Variants in ARHGAP26 observed in about 807,000 individuals in gnomAD.
The protein encoded by ARHGAP26 is Rho GTPase activating protein 26, also known as rho GTPase-activating protein 26.
Under a neutral mutation model 104.8 loss-of-function variants are expected in ARHGAP26, and 38 were observed. The ratio of observed to expected loss-of-function variants is 0.36; its 90% confidence interval spans 0.28 to 0.48. ARHGAP26 has a LOEUF of 0.48. Among genes scored for constraint, ARHGAP26 ranks in the 20% least tolerant of loss-of-function variants. The pLI, the probability that ARHGAP26 is intolerant of heterozygous loss-of-function variation, is 0.99. For synonymous variants in ARHGAP26, 341 were observed against 340.0 expected (o/e 1.00, Z -0.03); for missense variants, 704 against 947.9 (o/e 0.74, Z 3.38).
At position 142,862,633 on chromosome 5, in the gene ARHGAP26, T is replaced by C. The variant is rs192000234; in HGVS notation, c.155-10767T>C. Reference sequence around the variant, plus strand: ...GTTTAACCAAGTTCTGGGTTCTGTCTGGGTGCGTGGGCCCTGACTGTGTGA... The same window carrying C: ...GTTTAACCAAGTTCTGGGTTCTGTCCGGGTGCGTGGGCCCTGACTGTGTGA... On this transcript the variant is annotated intron_variant, in intron 1 of 22. Transcript: ENST00000645722. Among the ~76,000 whole-genome samples the C allele has an allele frequency of 2.6e-5, 4 of 152,330 alleles. No individual in the cohort carries two copies. In the East Asian group the frequency reaches 5.8e-4, roughly 22 times the overall value.
chr5:142,941,988 G>C (rs764237689), intron 11 of ARHGAP26, among the ~76,000 whole-genome samples: 1 of 152,086 alleles, frequency 6.6e-6, no homozygotes, highest in Non-Finnish European at 1.5e-5. Flanking sequence ...GATGAGGATC[G>C]GTCACATTAA....
rs1166894499 is a variant in ARHGAP26, at chr5:143,226,310, T to A, written c.*3864T>A. On this transcript the variant is annotated 3_prime_UTR_variant, in exon 23 of 23. Coordinates refer to ENST00000645722, the MANE Select transcript of ARHGAP26 (RefSeq NM_001135608.3). The stretch of plus-strand genomic sequence containing the variant: ...TCCTGGCTACGACGGTGAAACCCCG[T>A]CTCTACTAAAAATACAAAAAATTAG... 1 of 175,246 alleles carries A rather than the reference T, an allele frequency of 5.7e-6. No individual in the cohort carries two copies. The highest frequency in any genetic ancestry group is 2.4e-5 in the African/African-American group (1 of 42,008). 10.9% of individuals were successfully genotyped at this position (175,246 alleles called of 1,614,324 possible).
intron 1 of ARHGAP26, among the ~76,000 whole-genome samples, chr5:142,800,108 T>A (rs1448211485): frequency 6.6e-6 from 1 of 152,210 alleles, no homozygotes; most frequent in Non-Finnish European, 1.5e-5. Flanking sequence ...GGCACAATGA[T>A]CTAGAAAGAA....
At position 143,162,071 on chromosome 5, in the gene ARHGAP26, T is replaced by G. The variant is rs141277017; in HGVS notation, c.1988+14690T>G. Among the ~76,000 whole-genome samples, 871 of 152,110 alleles carry G rather than the reference T, an allele frequency of 5.7e-3. 13 individuals are homozygous for G. Among genetic ancestry groups the G allele is most frequent in the Middle Eastern group, 0.041 (12 of 294 alleles). ...AGCACTTTGACTTGCGCAATGCTGC[T>G]GGAAGGTTGGTAAATCCAAAGCTGA... On this transcript the variant is annotated intron_variant, in intron 20 of 22. Transcript: ENST00000645722.
intron 3 of ARHGAP26, among the ~76,000 whole-genome samples, chr5:142,878,131 G>A: frequency 6.6e-6 from 1 of 152,094 alleles, no homozygotes; most frequent in East Asian, 1.9e-4. Context: ...GTGACTTCTG[G>A]CATTTACCCG....
At chr5:143,216,690 A>T (rs1810395996) in intron 22 of ARHGAP26, 1 of 159,726 alleles carries the variant, frequency 6.3e-6, no homozygotes, top group African/African-American at 2.4e-5. Context: ...GAGTCATGGC[A>T]GAGTTCGCTG....
chr5:142,949,104 C>CA lies in ARHGAP26; in HGVS notation c.1107+16991dup, dbSNP rs1013018130. On this transcript the variant is annotated intron_variant, in intron 11 of 22. Coordinates refer to ENST00000645722, the MANE Select transcript of ARHGAP26 (RefSeq NM_001135608.3). ...TGGGTGAAAGAGTGAGACTCCGTCT[C>CA]AAAAAAAAAAAATTGAAGAAAGCAC... Among the ~76,000 whole-genome samples the CA allele has an allele frequency of 1.5e-3, 178 of 115,156 alleles. 3 individuals carry two copies. Among genetic ancestry groups the CA allele is most frequent in the African/African-American group, 2.2e-3 (60 of 27,374 alleles). The allele number at this position is 115,156 out of a possible 152,430, so 75.5% of individuals were successfully genotyped here.
chr5:143,212,115 T>A (rs911381026), intron 21 of ARHGAP26, among the ~76,000 whole-genome samples: 6 of 152,146 alleles, frequency 3.9e-5, no homozygotes, highest in African/African-American at 1.2e-4. Context: ...CCCTTACTTT[T>A]AGTCCCCCTT....
At chr5:142,868,433 A>G (rs1334680629) in intron 1 of ARHGAP26, among the ~76,000 whole-genome samples, 3 of 152,144 alleles carry the variant, frequency 2.0e-5, no homozygotes, top group Admixed American at 6.5e-5. Context: ...AACTGGGTGG[A>G]GAACTGATTT....
In ARHGAP26 at chr5:143,177,897, G is replaced by T. The variant is rs892662561; in HGVS notation, c.1989-29301G>T. ...AATACGGATGGAAAGCATGATGAGT[G>T]CAGGGCAACTACTATCTCCTACATT... On this transcript the variant is annotated intron_variant, in intron 20 of 22. Transcript: ENST00000645722. Among the ~76,000 whole-genome samples the T allele has an allele frequency of 4.0e-5, 6 of 151,520 alleles. No homozygotes were observed. In the East Asian group the frequency reaches 1.2e-3, roughly 29 times the overall value.
chr5:143,058,739 A>C (rs1786241426), intron 17 of ARHGAP26, among the ~76,000 whole-genome samples: 1 of 152,232 alleles, frequency 6.6e-6, no homozygotes, highest in Non-Finnish European at 1.5e-5. Context: ...TCTTTCTGTC[A>C]AGCACTTGAT....
intron 1 of ARHGAP26, among the ~76,000 whole-genome samples, chr5:142,781,547 G>T (rs1450277445): frequency 3.9e-5 from 6 of 152,096 alleles, no homozygotes; most frequent in Non-Finnish European, 8.8e-5. Context: ...CATCACACCT[G>T]GGGGAAAAGG....
chr5:142,835,905 T>C lies in ARHGAP26; in HGVS notation c.155-37495T>C, dbSNP rs115265291. Among the ~76,000 whole-genome samples the C allele has an allele frequency of 2.0e-3, 309 of 152,370 alleles. 1 individual carries two copies. Among genetic ancestry groups the C allele is most frequent in the Non-Finnish European group, 3.2e-3 (215 of 68,036 alleles). ...ACAATCAAATCATCACAAAACCCTC[T>C]AAGATTAGTTTTAGTATTACACCCA... On this transcript the variant is annotated intron_variant, in intron 1 of 22. Transcript: ENST00000645722.
At chr5:143,155,421 G>A (rs1281996349) in intron 20 of ARHGAP26, among the ~76,000 whole-genome samples, 1 of 152,162 alleles carries the variant, frequency 6.6e-6, no homozygotes, top group Non-Finnish European at 1.5e-5. Context: ...CTCATCAATC[G>A]GGAGCCCAGC....
intron 2 of ARHGAP26, among the ~76,000 whole-genome samples, chr5:142,874,547 T>C (rs1348663549): frequency 1.3e-5 from 2 of 152,194 alleles, no homozygotes; most frequent in African/African-American, 4.8e-5. Context: ...TAATGCTTAT[T>C]GCTTTTATGA....
chr5:143,182,942 G>T (rs899365923), intron 20 of ARHGAP26, among the ~76,000 whole-genome samples: 1 of 152,132 alleles, frequency 6.6e-6, no homozygotes, highest in Non-Finnish European at 1.5e-5. Context: ...GGTGCTACCA[G>T]TTGGGAAGTG....
chr5:143,115,051 A>G (rs182031422), intron 17 of ARHGAP26, among the ~76,000 whole-genome samples: 7 of 152,248 alleles, frequency 4.6e-5, no homozygotes, highest in African/African-American at 1.7e-4. Flanking sequence ...TAAGTACTAT[A>G]GCCAGGTGTA....
intron 20 of ARHGAP26, among the ~76,000 whole-genome samples, chr5:143,192,150 T>C (rs1406476903): frequency 1.3e-5 from 2 of 152,180 alleles, no homozygotes; most frequent in African/African-American, 2.4e-5. Context: ...CAATGTAGCA[T>C]CAAGACGGGA....
intron 1 of ARHGAP26, among the ~76,000 whole-genome samples, chr5:142,845,026 C>T (rs949219930): frequency 6.6e-6 from 1 of 152,152 alleles, no homozygotes; most frequent in African/African-American, 2.4e-5. Flanking sequence ...TCTTCTCCTC[C>T]GTTCGCTAGT....
Sources: allele counts gnomAD v4.1 joint callset (sites outside exome capture counted in the v4.1 genomes callset), GRCh38; gene constraint gnomAD v4.1.1; transcripts MANE v1.5; gene names NCBI Gene and HGNC (gene_info 2026-07-23, HGNC 2026-07-21).